Variants in CDK14 observed in about 807,000 individuals in gnomAD.
CDK14 encodes cyclin dependent kinase 14, also known as cyclin-dependent kinase 14.
A neutral mutation model predicts 60.7 loss-of-function variants in CDK14; 34 were observed. The observed-to-expected ratio is 0.56, with a 90% CI of 0.43 to 0.75. The LOEUF is 0.75. Among genes scored for constraint, CDK14 ranks in the 30% least tolerant of loss-of-function variants. The pLI, the probability that CDK14 is intolerant of heterozygous loss-of-function variation, is 0.00. For synonymous variants in CDK14, 197 were observed against 203.7 expected (o/e 0.97, Z 0.28); for missense variants, 482 against 564.1 (o/e 0.85, Z 1.47).
intron 4 of CDK14, among the ~76,000 whole-genome samples, chr7:90,760,292 A>G (rs1317305157): frequency 6.6e-6 from 1 of 152,260 alleles, no homozygotes; most frequent in Non-Finnish European, 1.5e-5. Context: ...AATATGTGAG[A>G]TTAAAGATGC....
intron 2 of CDK14, among the ~76,000 whole-genome samples, chr7:90,679,116 A>C (rs1801262328): frequency 1.3e-5 from 2 of 152,046 alleles, no homozygotes; most frequent in South Asian, 4.2e-4. Flanking sequence ...TGCCCGGCTA[A>C]TTTTTAAACA....
intron 14 of CDK14, among the ~76,000 whole-genome samples, chr7:91,137,494 T>C (rs1489052188): frequency 2.0e-5 from 3 of 152,198 alleles, no homozygotes; most frequent in Admixed American, 6.6e-5. Flanking sequence ...GTAGGCTCCA[T>C]TGAAAAAATA....
intron 2 of CDK14, among the ~76,000 whole-genome samples, chr7:90,698,545 G>A (rs190084639): frequency 1.1e-3 from 160 of 152,278 alleles, no homozygotes; most frequent in Non-Finnish European, 1.8e-3. Flanking sequence ...GAAAGATGAT[G>A]CCTCATAATT....
At chr7:90,726,894 A>T in intron 3 of CDK14, 82 bp downstream of exon 3, 1 of 1,516,732 alleles carries the variant, frequency 6.6e-7, no homozygotes. Flanking sequence ...GGAAGACAGC[A>T]GGAAACTTTA....
At chr7:90,681,233 G>A (rs1322092552) in intron 2 of CDK14, among the ~76,000 whole-genome samples, 1 of 152,112 alleles carries the variant, frequency 6.6e-6, no homozygotes, top group African/African-American at 2.4e-5. Context: ...CGTATTGTTG[G>A]TCTATTGGAA....
chr7:90,677,446 T>C (rs1344396391), intron 2 of CDK14, among the ~76,000 whole-genome samples: 1 of 152,218 alleles, frequency 6.6e-6, no homozygotes, highest in Non-Finnish European at 1.5e-5. Context: ...TTTCTTATTG[T>C]GTTGCAGGCT....
At chr7:91,058,243 T>C (rs986276328) in intron 11 of CDK14, among the ~76,000 whole-genome samples, 11 of 151,156 alleles carry the variant, frequency 7.3e-5, no homozygotes, top group Admixed American at 2.0e-4. Context: ...TTCTGATTTT[T>C]GCACATTGAT....
chr7:91,028,402 G>C (rs530587880), intron 10 of CDK14, among the ~76,000 whole-genome samples: 2 of 152,176 alleles, frequency 1.3e-5, no homozygotes, highest in South Asian at 4.2e-4. Flanking sequence ...TGGGAGTGCA[G>C]GTATCTTTTT....
chr7:90,689,143 CT>C (rs1277295896), intron 2 of CDK14, among the ~76,000 whole-genome samples: 1 of 152,094 alleles, frequency 6.6e-6, no homozygotes, highest in African/African-American at 2.4e-5. Flanking sequence ...ATCTTGAATT[CT>C]GGTGCTCAAG....
intron 4 of CDK14, among the ~76,000 whole-genome samples, chr7:90,787,023 A>G (rs910721243): frequency 2.0e-5 from 3 of 152,118 alleles, no homozygotes; most frequent in African/African-American, 7.2e-5. Context: ...TGTCTTTTCT[A>G]AAAGTAGACC....
At chr7:90,984,317 T>C (rs1281640099) in intron 10 of CDK14, 76 bp downstream of exon 10, 2 of 906,950 alleles carry the variant, frequency 2.2e-6, no homozygotes, top group African/African-American at 3.3e-5. Flanking sequence ...TACAGCAGTC[T>C]GTGGAAAAAT....
intron 2 of CDK14, among the ~76,000 whole-genome samples, chr7:90,718,711 C>T (rs1490615945): frequency 6.6e-6 from 1 of 152,148 alleles, no homozygotes. Context: ...TTACTGCCAT[C>T]TCTGTGTATA....
chr7:90,983,282 T>C (rs1156678734), intron 9 of CDK14, among the ~76,000 whole-genome samples: 1 of 152,004 alleles, frequency 6.6e-6, no homozygotes, highest in African/African-American at 2.4e-5. Flanking sequence ...CTATTCACAA[T>C]AACAATGAGA....
chr7:90,683,399 C>A (rs1188113978), intron 2 of CDK14, among the ~76,000 whole-genome samples: 1 of 152,184 alleles, frequency 6.6e-6, no homozygotes, highest in Admixed American at 6.5e-5. Context: ...ATTTTAGCAC[C>A]TTCCTACTTT....
intron 5 of CDK14, among the ~76,000 whole-genome samples, chr7:90,810,652 A>G (rs942911113): frequency 3.3e-5 from 5 of 152,178 alleles, no homozygotes; most frequent in African/African-American, 9.7e-5. Flanking sequence ...AGGGTATTCA[A>G]TTAGGAAAAG....
intron 2 of CDK14, among the ~76,000 whole-genome samples, chr7:90,629,384 C>T (rs1799944585): frequency 6.6e-6 from 1 of 152,150 alleles, no homozygotes; most frequent in Admixed American, 6.5e-5. Flanking sequence ...GCTCTAAGCT[C>T]TTGCTCTGTA....
Position 90,609,055 on chromosome 7 carries a change from G to T in CDK14, c.123+4806G>T, listed in dbSNP as rs1042127742. 1.4e-4 allele frequency among the ~76,000 whole-genome samples: 22 copies of T among 152,014 alleles called. 1 individual carries two copies. Among genetic ancestry groups the T allele is most frequent in the African/African-American group, 5.3e-4 (22 of 41,362 alleles). On this transcript the variant is annotated intron_variant, in intron 2 of 14. Transcript: ENST00000380050. ...TATTATTATTTTTTTGAGACTTGGTGTCCCTTGGTCATCCAGTTTGGAGTA... is the reference window on the plus strand; with the variant it reads ...TATTATTATTTTTTTGAGACTTGGTTTCCCTTGGTCATCCAGTTTGGAGTA...
At chr7:90,689,266 T>C (rs1352571469) in intron 2 of CDK14, among the ~76,000 whole-genome samples, 3 of 152,156 alleles carry the variant, frequency 2.0e-5, no homozygotes, top group Non-Finnish European at 4.4e-5. Context: ...ATGGTGCTGG[T>C]TTTAATGATT....
intron 2 of CDK14, chr7:90,709,215 C>T: frequency 6.7e-6 from 2 of 300,144 alleles, no homozygotes; most frequent in South Asian, 1.2e-4. Flanking sequence ...TCATCATACT[C>T]CATTTGCATA....
Sources: gnomAD v4.1 joint callset for allele counts (sites outside exome capture counted in the v4.1 genomes callset) on GRCh38, gnomAD v4.1.1 for gene constraint, MANE v1.5 for transcripts, NCBI Gene and HGNC (gene_info 2026-07-23, HGNC 2026-07-21) for gene names.